The following CAST variants were observed in gnomAD, a reference collection of about 807,000 sequenced individuals.
CAST encodes the protein MIR583 host.
CAST carries 76 observed loss-of-function variants against 119.6 expected under a neutral mutation model. That is an observed-to-expected ratio of 0.64 (90% confidence interval 0.53 to 0.77). The LOEUF is 0.77. CAST is among the 30% of genes least tolerant of loss of function. CAST has a pLI of 0.00. For missense variants in CAST, 953 were observed against 946.5 expected, an observed-to-expected ratio of 1.01 and a Z score of -0.09; for synonymous variants, 319 against 331.6, an observed-to-expected ratio of 0.96 and a Z score of 0.41.
intron 4 of CAST, among the ~76,000 whole-genome samples, chr5:96,725,693 A>G (rs1759127772): frequency 6.6e-6 from 1 of 152,238 alleles, no homozygotes. Flanking sequence ...GTGAGCATAC[A>G]TTCTTAATTG....
chr5:96,134,915 A>G, the CAST span, among the ~76,000 whole-genome samples: 1 of 152,204 alleles, frequency 6.6e-6, no homozygotes, highest in East Asian at 1.9e-4. Context: ...AATAAAATAT[A>G]AAGGGAAGAC....
chr5:96,345,501 G>A, the CAST span, among the ~76,000 whole-genome samples: 2 of 152,152 alleles, frequency 1.3e-5, no homozygotes, highest in Non-Finnish European at 2.9e-5. Flanking sequence ...GTCTAACTCA[G>A]TGCAAATGCA....
At chr5:96,447,172 G>A in the CAST span, among the ~76,000 whole-genome samples, 1 of 152,198 alleles carries the variant, frequency 6.6e-6, no homozygotes, top group African/African-American at 2.4e-5. Context: ...AGCAAAATGA[G>A]CCCAGGCGTA....
At chr5:96,593,535 C>T (rs777282565) in intron 1 of CAST, among the ~76,000 whole-genome samples, 4 of 152,118 alleles carry the variant, frequency 2.6e-5, no homozygotes, top group Non-Finnish European at 4.4e-5. Context: ...TCCAATGGAA[C>T]AATGAGGTAT....
the CAST span, among the ~76,000 whole-genome samples, chr5:96,262,631 G>A: frequency 6.6e-6 from 1 of 152,160 alleles, no homozygotes; most frequent in Admixed American, 6.6e-5. Flanking sequence ...CCGGGTTCAT[G>A]CCATTCTCCT....
chr5:96,519,663 G>T, the CAST span, among the ~76,000 whole-genome samples: 5 of 152,146 alleles, frequency 3.3e-5, no homozygotes, highest in Non-Finnish European at 7.4e-5. Context: ...CTGGAGTGCA[G>T]TGGCATGATC....
the CAST span, among the ~76,000 whole-genome samples, chr5:96,508,004 T>TTAC: frequency 1.3e-5 from 1 of 76,502 alleles, no homozygotes; most frequent in South Asian, 4.4e-4. Context: ...ATTATTATTA[T>TTAC]TATTATTATT....
chr5:96,042,077 T>C, the CAST span, among the ~76,000 whole-genome samples: 2 of 152,156 alleles, frequency 1.3e-5, no homozygotes, highest in Non-Finnish European at 2.9e-5. Context: ...AGCTGCTTCC[T>C]CTTATTTTAC....
At chr5:96,305,631 G>A in the CAST span, among the ~76,000 whole-genome samples, 3 of 152,018 alleles carry the variant, frequency 2.0e-5, no homozygotes, top group Non-Finnish European at 2.9e-5. Flanking sequence ...ACCTTCCATC[G>A]ATACCTAGTT....
chr5:96,760,520 T>C (rs936897083), intron 24 of CAST, among the ~76,000 whole-genome samples: 3 of 151,904 alleles, frequency 2.0e-5, no homozygotes, highest in African/African-American at 7.2e-5. Flanking sequence ...CATTTCTGCT[T>C]ATTATCACAT....
intron 1 of CAST, among the ~76,000 whole-genome samples, chr5:96,597,944 G>C (rs1053898052): frequency 2.6e-5 from 4 of 151,142 alleles, no homozygotes; most frequent in Non-Finnish European, 5.9e-5. Context: ...AAGAAGGGGG[G>C]AGGGGGAGAG....
At chr5:96,279,336 G>A in the CAST span, among the ~76,000 whole-genome samples, 4 of 152,166 alleles carry the variant, frequency 2.6e-5, no homozygotes, top group South Asian at 2.1e-4. Flanking sequence ...TGCCAGCTGC[G>A]GATCTGAAGA....
intron 1 of CAST, among the ~76,000 whole-genome samples, chr5:96,548,545 G>A (rs965458776): frequency 1.3e-5 from 2 of 152,000 alleles, no homozygotes; most frequent in Non-Finnish European, 2.9e-5. Flanking sequence ...CAACCCTTGT[G>A]TTTGGCTGTT....
chr5:96,414,389 GCCAGGAAGGGATAGTGA>G, the CAST span, among the ~76,000 whole-genome samples: 3,673 of 152,284 alleles, frequency 0.024, 148 homozygotes, highest in African/African-American at 0.084. Context: ...AGAGATTGAG[GCCAGGAAGGGATAGTGA>G]CTTGCTCAAG....
At chr5:96,420,183 G>A in the CAST span, among the ~76,000 whole-genome samples, 1 of 152,326 alleles carries the variant, frequency 6.6e-6, no homozygotes, top group Non-Finnish European at 1.5e-5. Context: ...ATAGGGAGAA[G>A]GTACGTTGTC....
chr5:96,254,852 C>G, the CAST span, among the ~76,000 whole-genome samples: 1,076 of 152,222 alleles, frequency 7.1e-3, 11 homozygotes, highest in African/African-American at 0.025. Flanking sequence ...CATTAAAACA[C>G]TATTTTTTAA....
chr5:96,565,464 C>A (rs959531170), intron 1 of CAST, among the ~76,000 whole-genome samples: 1 of 151,972 alleles, frequency 6.6e-6, no homozygotes, highest in Non-Finnish European at 1.5e-5. Flanking sequence ...ATTCATACAC[C>A]CTTTTTCCCT....
chr5:96,283,137 A>G, the CAST span, among the ~76,000 whole-genome samples: 4 of 132,978 alleles, frequency 3.0e-5, no homozygotes, highest in Non-Finnish European at 6.2e-5. Flanking sequence ...CTCAAAAAAA[A>G]AAAAAAAAGA....
intron 1 of CAST, among the ~76,000 whole-genome samples, chr5:96,573,514 C>G (rs1007289515): frequency 3.9e-5 from 6 of 152,016 alleles, no homozygotes; most frequent in Non-Finnish European, 8.8e-5. Flanking sequence ...TCGTGCATGC[C>G]TGTAGTCCCA....
Sources: allele counts gnomAD v4.1 joint callset (sites outside exome capture counted in the v4.1 genomes callset), GRCh38; gene constraint gnomAD v4.1.1; transcripts MANE v1.5; gene names NCBI Gene and HGNC (gene_info 2026-07-23, HGNC 2026-07-21).